PCDH15: variants seen among roughly 807,000 people sequenced by gnomAD.
The protein encoded by PCDH15 is protocadherin related 15.
In PCDH15, 129 loss-of-function variants were observed where a neutral mutation model predicts 178.5. The observed-to-expected ratio is 0.72, with a 90% confidence interval of 0.63 to 0.84. The LOEUF (loss-of-function observed/expected upper bound fraction) is 0.84, where lower values mean the gene tolerates loss of function less well. Ranked by LOEUF, PCDH15 falls within the 40% of genes least tolerant of loss-of-function variation. The pLI is 0.00. For synonymous variants in PCDH15, 800 were observed against 732.0 expected (o/e 1.09, Z -1.50); for missense variants, 2,230 against 2,099.9 (o/e 1.06, Z -1.21).
chr10:54,918,273 T>C (rs1837396825), intron 2 of PCDH15, among the ~76,000 whole-genome samples: 1 of 152,086 alleles, frequency 6.6e-6, no homozygotes, highest in African/African-American at 2.4e-5. Flanking sequence ...AAATCAGATA[T>C]GACAAGTCCC....
At chr10:54,723,033 A>AT (rs1414824361) in intron 1 of PCDH15, among the ~76,000 whole-genome samples, 4 of 151,614 alleles carry the variant, frequency 2.6e-5, no homozygotes, top group Non-Finnish European at 5.9e-5. Context: ...TTACATAATT[A>AT]TAAAAAAAAA....
intron 32 of PCDH15, among the ~76,000 whole-genome samples, chr10:53,825,847 TA>T (rs1260321861): frequency 6.6e-6 from 1 of 151,496 alleles, no homozygotes; most frequent in Non-Finnish European, 1.5e-5. Flanking sequence ...TGAATACATA[TA>T]TTACAATTGC....
chr10:53,841,556 G>C (rs1237202106), intron 28 of PCDH15, among the ~76,000 whole-genome samples: 1 of 152,124 alleles, frequency 6.6e-6, no homozygotes, highest in Non-Finnish European at 1.5e-5. Context: ...ACTAAACTTT[G>C]GAGGAAATGG....
chr10:55,360,760 A>T (rs1452075863), intron 2 of PCDH15, among the ~76,000 whole-genome samples: 1 of 152,014 alleles, frequency 6.6e-6, no homozygotes, highest in Non-Finnish European at 1.5e-5. Context: ...TGGTACAATC[A>T]CTCTGGGTAA....
intron 2 of PCDH15, among the ~76,000 whole-genome samples, chr10:54,552,754 T>G (rs2086757789): frequency 6.6e-6 from 1 of 152,160 alleles, no homozygotes; most frequent in Non-Finnish European, 1.5e-5. Flanking sequence ...GGTTGTGGGT[T>G]GAAGTCCACT....
intron 26 of PCDH15, among the ~76,000 whole-genome samples, chr10:53,902,447 A>G (rs2133653165): frequency 6.6e-6 from 1 of 152,252 alleles, no homozygotes; most frequent in African/African-American, 2.4e-5. Flanking sequence ...TTTTATGTGC[A>G]ATTTACAGCT....
intron 2 of PCDH15, among the ~76,000 whole-genome samples, chr10:54,962,409 C>T (rs1473610888): frequency 1.3e-5 from 2 of 151,952 alleles, no homozygotes; most frequent in African/African-American, 2.4e-5. Context: ...AAACATATCT[C>T]CCCCCATTTG....
chr10:55,288,904 G>A (rs551121015), intron 1 of PCDH15, among the ~76,000 whole-genome samples: 15 of 149,920 alleles, frequency 1.0e-4, no homozygotes, highest in African/African-American at 3.5e-4. Flanking sequence ...ACTTGGATTG[G>A]TGGATTATAC....
At chr10:55,088,523 C>T (rs1842234893) in intron 2 of PCDH15, among the ~76,000 whole-genome samples, 1 of 152,014 alleles carries the variant, frequency 6.6e-6, no homozygotes, top group Admixed American at 6.6e-5. Flanking sequence ...ATATGCCTGC[C>T]TTGGACTCCT....
intron 1 of PCDH15, among the ~76,000 whole-genome samples, chr10:54,706,291 C>T (rs1262463906): frequency 6.6e-6 from 1 of 152,132 alleles, no homozygotes; most frequent in African/African-American, 2.4e-5. Flanking sequence ...ACACAACTTA[C>T]CATCCCCACT....
intron 26 of PCDH15, among the ~76,000 whole-genome samples, chr10:53,893,517 T>A (rs1351764715): frequency 6.6e-6 from 1 of 152,186 alleles, no homozygotes; most frequent in Non-Finnish European, 1.5e-5. Flanking sequence ...CAGCACAATT[T>A]GCAATTGCAA....
intron 15 of PCDH15, among the ~76,000 whole-genome samples, chr10:54,096,489 C>T (rs77717918): frequency 0.012 from 1,852 of 152,160 alleles, 17 homozygotes; most frequent in Middle Eastern, 0.02. Flanking sequence ...TCATTGTCAA[C>T]TTAATCCAAT....
intron 4 of PCDH15, among the ~76,000 whole-genome samples, chr10:54,374,051 T>C (rs1276759410): frequency 2.0e-5 from 3 of 152,042 alleles, no homozygotes; most frequent in Non-Finnish European, 2.9e-5. Flanking sequence ...AAGAGACAGA[T>C]AGAAAACAGT....
intron 7 of PCDH15, among the ~76,000 whole-genome samples, chr10:54,325,226 G>A (rs1937678674): frequency 6.6e-6 from 1 of 152,060 alleles, no homozygotes; most frequent in African/African-American, 2.4e-5. Context: ...CAAACTACAT[G>A]TAATTTGAAG....
chr10:55,168,657 T>C (rs1184672339), intron 1 of PCDH15, among the ~76,000 whole-genome samples: 1 of 152,190 alleles, frequency 6.6e-6, no homozygotes, highest in Non-Finnish European at 1.5e-5. Context: ...ACACATTTCA[T>C]AAAATATAGC....
At chr10:55,082,913 C>T (rs893193062) in intron 2 of PCDH15, among the ~76,000 whole-genome samples, 5 of 151,776 alleles carry the variant, frequency 3.3e-5, no homozygotes, top group Non-Finnish European at 7.4e-5. Flanking sequence ...AAAAACTCTC[C>T]CAGCAAAGAA....
intron 15 of PCDH15, among the ~76,000 whole-genome samples, chr10:54,094,247 A>T (rs974799820): frequency 2.0e-5 from 3 of 152,204 alleles, no homozygotes; most frequent in Admixed American, 6.6e-5. Context: ...CTGCCCTTAT[A>T]CAATTTACAT....
intron 3 of PCDH15, among the ~76,000 whole-genome samples, chr10:54,468,969 T>C (rs1179123498): frequency 6.6e-6 from 1 of 152,184 alleles, no homozygotes; most frequent in Non-Finnish European, 1.5e-5. Flanking sequence ...CTCCTGCTCA[T>C]TTTTTTGCTT....
At chr10:53,994,740 T>G (rs2091741974) in intron 21 of PCDH15, 1 of 152,130 alleles carries the variant, frequency 6.6e-6, no homozygotes, top group Non-Finnish European at 1.5e-5. Context: ...TTAATACATT[T>G]TGATTCCATA....
Sources: gnomAD v4.1 joint callset for allele counts (sites outside exome capture counted in the v4.1 genomes callset) on GRCh38, gnomAD v4.1.1 for gene constraint, MANE v1.5 for transcripts, NCBI Gene and HGNC (gene_info 2026-07-23, HGNC 2026-07-21) for gene names.